ROBO2: variants seen among roughly 807,000 people sequenced by gnomAD.
ROBO2 encodes roundabout guidance receptor 2, also known as roundabout homolog 2.
Under a neutral mutation model 160.8 loss-of-function variants are expected in ROBO2, and 53 were observed. The ratio of observed to expected loss-of-function variants is 0.33; its 90% confidence interval spans 0.26 to 0.41. The LOEUF is 0.41. Ranked by LOEUF, ROBO2 falls within the 10% of genes least tolerant of loss-of-function variation. The pLI, the probability that ROBO2 is intolerant of heterozygous loss-of-function variation, is 1.00. For missense variants in ROBO2, 1,577 were observed against 1,722.4 expected (o/e 0.92, Z 1.49); for synonymous variants, 664 against 611.7 (o/e 1.09, Z -1.26).
chr3:77,496,416 A>T (rs2086786595), intron 5 of ROBO2, among the ~76,000 whole-genome samples: 1 of 152,182 alleles, frequency 6.6e-6, no homozygotes, highest in African/African-American at 2.4e-5. Context: ...AGCCTCACTT[A>T]TGCATAATGA....
At chr3:75,909,369 C>T (rs1284460212) in intron 1 of ROBO2, among the ~76,000 whole-genome samples, 1 of 152,156 alleles carries the variant, frequency 6.6e-6, no homozygotes, top group African/African-American at 2.4e-5. Flanking sequence ...AGAAGTTAAA[C>T]AAGAATATTG....
intron 6 of ROBO2, among the ~76,000 whole-genome samples, chr3:77,544,734 G>C (rs575548234): frequency 3.3e-5 from 5 of 152,182 alleles, no homozygotes; most frequent in Admixed American, 1.3e-4. Flanking sequence ...GGGCATTAAA[G>C]TGCCACTAGG....
chr3:76,949,106 A>G (rs895423701), intron 2 of ROBO2, among the ~76,000 whole-genome samples: 5 of 150,826 alleles, frequency 3.3e-5, no homozygotes, highest in Admixed American at 6.6e-5. Context: ...ATGTTTCCCT[A>G]CTTAATTTTT....
chr3:77,580,082 G>A lies in ROBO2; in HGVS notation c.2464G>A (p.Val822Ile). 3 of 1,613,840 alleles carry A rather than the reference G, an allele frequency of 1.9e-6. No homozygotes were observed. In the South Asian group the frequency reaches 3.3e-5, roughly 18 times the overall value. ...GGTTGCAGCTAGTACCAGTGCAGGG[G>A]TTGGAGTAAAGAGTGAGCCACAGCC... Residue 822 changes from valine (V) to isoleucine (I), a missense_variant, in exon 16 of 26, where the codon GTT (valine) becomes ATT (isoleucine). Transcript: ENST00000461745.
At chr3:76,207,891 G>T (rs529441057) in intron 2 of ROBO2, among the ~76,000 whole-genome samples, 1 of 152,206 alleles carries the variant, frequency 6.6e-6, no homozygotes, top group East Asian at 1.9e-4. Flanking sequence ...ATAGTCCCCA[G>T]TGTGGGAGGT....
At chr3:76,258,806 A>G (rs934389240) in intron 2 of ROBO2, among the ~76,000 whole-genome samples, 9 of 152,130 alleles carry the variant, frequency 5.9e-5, no homozygotes, top group African/African-American at 2.2e-4. Flanking sequence ...CCTAATTCAG[A>G]TGACCTGCTT....
At chr3:76,454,539 C>T (rs1009027032) in intron 2 of ROBO2, among the ~76,000 whole-genome samples, 3 of 152,076 alleles carry the variant, frequency 2.0e-5, no homozygotes, top group African/African-American at 7.2e-5. Flanking sequence ...TCAGATTGAA[C>T]ACTAATTTCA....
At chr3:76,085,247 T>C (rs2108055476) in intron 2 of ROBO2, among the ~76,000 whole-genome samples, 1 of 152,032 alleles carries the variant, frequency 6.6e-6, no homozygotes, top group East Asian at 1.9e-4. Context: ...ACAAACCAAT[T>C]CATTCTCAAA....
intron 2 of ROBO2, among the ~76,000 whole-genome samples, chr3:77,439,582 C>T (rs895125188): frequency 2.0e-5 from 3 of 152,008 alleles, no homozygotes; most frequent in South Asian, 2.1e-4. Context: ...CAAGATCCAC[C>T]AAAAGAATAC....
chr3:77,622,503 T>G (rs2094923378), intron 23 of ROBO2, 71 bp downstream of exon 24: 1 of 1,238,500 alleles, frequency 8.1e-7, no homozygotes, highest in South Asian at 1.2e-5. Flanking sequence ...GTCAACTACT[T>G]CCTTATTGTA....
intron 2 of ROBO2, among the ~76,000 whole-genome samples, chr3:76,812,627 GA>G (rs993673302): frequency 6.6e-6 from 1 of 151,874 alleles, no homozygotes; most frequent in Non-Finnish European, 1.5e-5. Context: ...CTTTCTCTCA[GA>G]AAGAAAATAT....
At chr3:76,403,019 C>T (rs1371826649) in intron 2 of ROBO2, among the ~76,000 whole-genome samples, 1 of 151,576 alleles carries the variant, frequency 6.6e-6, no homozygotes, top group East Asian at 1.9e-4. Context: ...GACAGAAAGA[C>T]TGGGGCCAAT....
At chr3:76,159,222 T>C (rs1010133059) in intron 2 of ROBO2, among the ~76,000 whole-genome samples, 1 of 152,128 alleles carries the variant, frequency 6.6e-6, no homozygotes, top group East Asian at 1.9e-4. Flanking sequence ...TGTTATTAAG[T>C]TGGGAGTGCT....
chr3:76,642,992 T>C (rs1490349629), intron 2 of ROBO2, among the ~76,000 whole-genome samples: 1 of 152,206 alleles, frequency 6.6e-6, no homozygotes, highest in Non-Finnish European at 1.5e-5. Flanking sequence ...TAATAATGTA[T>C]TTTATTACAT....
At chr3:77,493,363 G>A (rs2086375843) in exon 5 of ROBO2, 1 of 1,613,980 alleles carries the variant, frequency 6.2e-7, no homozygotes, top group Non-Finnish European at 8.5e-7. Flanking sequence ...AAAGGATGAT[G>A]CAGACTTGCC....
chr3:77,527,033 A>C (rs559985965), intron 6 of ROBO2, among the ~76,000 whole-genome samples: 1 of 151,456 alleles, frequency 6.6e-6, no homozygotes, highest in East Asian at 1.9e-4. Context: ...TTTTATTGAC[A>C]TGACATTTGC....
At chr3:76,982,288 A>G (rs1202858612) in intron 2 of ROBO2, among the ~76,000 whole-genome samples, 2 of 152,150 alleles carry the variant, frequency 1.3e-5, no homozygotes, top group Admixed American at 6.5e-5. Flanking sequence ...GTTCTGTTAC[A>G]TCTACTTATA....
rs770216618 is a variant in ROBO2, at chr3:77,622,182, T to C, written c.3555-45T>C. 6 of 1,541,726 alleles carry C rather than the reference T, an allele frequency of 3.9e-6. No homozygotes were observed. In the East Asian group the frequency reaches 1.1e-4, roughly 29 times the overall value. ...TAATTAAAATTATGATTTTGTTGCA[T>C]GTTAATAAGTTGCTTTTCTTTTTTA... On this transcript the variant is annotated intron_variant, in intron 22 of 25. Coordinates refer to ENST00000461745, the Ensembl canonical transcript of ROBO2.
intron 2 of ROBO2, among the ~76,000 whole-genome samples, chr3:76,185,465 A>G (rs1263692488): frequency 2.6e-5 from 4 of 151,886 alleles, no homozygotes; most frequent in Non-Finnish European, 5.9e-5. Flanking sequence ...GCATTTTGCA[A>G]TTATGCAGTG....
Sources: gnomAD v4.1 joint callset for allele counts (sites outside exome capture counted in the v4.1 genomes callset) on GRCh38, gnomAD v4.1.1 for gene constraint, MANE v1.5 for transcripts, NCBI Gene and HGNC (gene_info 2026-07-23, HGNC 2026-07-21) for gene names.